AMZ1: variants seen among roughly 807,000 people sequenced by gnomAD.
The protein encoded by AMZ1 is archaemetzincin-1.
In AMZ1, 39 loss-of-function variants were observed where a neutral mutation model predicts 29.9. That is an observed-to-expected ratio of 1.30 (90% confidence interval 1.01 to 1.70). The LOEUF (loss-of-function observed/expected upper bound fraction) is 1.70. Among genes scored for constraint, AMZ1 ranks in the 40% most tolerant of loss-of-function variants. The probability of loss-of-function intolerance (pLI) is 0.00; values close to 1 mark genes in which losing one functional copy is unlikely to be tolerated. For missense variants in AMZ1, 1,041 were observed against 680.6 expected, an observed-to-expected ratio of 1.53 and a Z score of -5.89; for synonymous variants, 458 against 304.0, an observed-to-expected ratio of 1.51 and a Z score of -5.27.
intron 4 of AMZ1, among the ~76,000 whole-genome samples, chr7:2,758,492 C>T (rs1200601974): frequency 6.6e-6 from 1 of 152,156 alleles, no homozygotes; most frequent in Non-Finnish European, 1.5e-5. Context: ...AATTTCTTCC[C>T]CTGCAGCGTG....
intron 6 of AMZ1, among the ~76,000 whole-genome samples, 190 bp from the exon 7 acceptor site, chr7:2,712,140 A>C (rs988201536): frequency 3.3e-5 from 5 of 152,056 alleles, no homozygotes; most frequent in Non-Finnish European, 7.4e-5. Context: ...GGTACCTCTG[A>C]CTCTGGCACA....
intron 1 of AMZ1, among the ~76,000 whole-genome samples, chr7:2,694,955 G>C (rs1787618574): frequency 6.6e-6 from 1 of 152,208 alleles, no homozygotes; most frequent in South Asian, 2.1e-4. Flanking sequence ...TTCCAGGCGT[G>C]AGCCATCGCG....
At chr7:2,762,599 A>G, upstream of AMZ1, 5 of 1,514,026 alleles carry the variant, frequency 3.3e-6, no homozygotes, top group Non-Finnish European at 4.4e-6. Flanking sequence ...AACCCAAAAA[A>G]GGACAATCCC....
rs57754714 is a variant in AMZ1, at chr7:2,718,329, A to C, written c.*5451A>C. 1.8e-3 allele frequency among the ~76,000 whole-genome samples: 274 copies of C among 152,218 alleles called. 3 individuals carry two copies. Among genetic ancestry groups the C allele is most frequent in the African/African-American group, 6.2e-3 (257 of 41,526 alleles). ...CGCCACAGTGTGCCTGGTTTTCTGGATACAGCATGACTGAACCGCCCCTTC... is the reference window on the plus strand; with the variant it reads ...CGCCACAGTGTGCCTGGTTTTCTGGCTACAGCATGACTGAACCGCCCCTTC... On this transcript the variant is annotated 3_prime_UTR_variant, in exon 7 of 7. Coordinates refer to ENST00000683327, the MANE Select transcript of AMZ1 (RefSeq NM_001384743.1).
At position 2,716,992 on chromosome 7, in the gene AMZ1, G is replaced by A. The variant is rs934561059; in HGVS notation, c.*4114G>A. On this transcript the variant is annotated 3_prime_UTR_variant, in exon 7 of 7. Coordinates refer to ENST00000683327, the MANE Select transcript of AMZ1 (RefSeq NM_001384743.1). ...CAGCTTTCTAAAAGCAAGCTGGAGCGGTCTGAGCAGGAAGAGAGTAAGAAG... is the reference window on the plus strand; with the variant it reads ...CAGCTTTCTAAAAGCAAGCTGGAGCAGTCTGAGCAGGAAGAGAGTAAGAAG... Among the ~76,000 whole-genome samples, 3 of 152,150 alleles carry A rather than the reference G, an allele frequency of 2.0e-5. No individual in the cohort carries two copies. Among genetic ancestry groups the A allele is most frequent in the Non-Finnish European group, 2.9e-5 (2 of 68,020 alleles).
In AMZ1 at chr7:2,696,477, TCG is replaced by T. The variant is rs1416831346; in HGVS notation, c.-218-3756_-218-3755del. ...TTTCACCATGTTAGCCAGGATGGTC[TCG>T]ATCTCCTGACCTCGTGATCTGCCCG... is the stretch of plus-strand genomic sequence containing the variant. On this transcript the variant is annotated intron_variant, in intron 1 of 6. Coordinates refer to ENST00000683327, the MANE Select transcript of AMZ1 (RefSeq NM_001384743.1). Among the ~76,000 whole-genome samples the T allele has an allele frequency of 3.4e-4, 51 of 150,582 alleles. 3 individuals carry two copies. Among genetic ancestry groups the T allele is most frequent in the Admixed American group, 2.4e-3 (37 of 15,124 alleles).
intron 1 of AMZ1, among the ~76,000 whole-genome samples, chr7:2,693,155 G>A (rs920581920): frequency 9.2e-5 from 14 of 152,252 alleles, no homozygotes; most frequent in Non-Finnish European, 1.8e-4. Flanking sequence ...AGGCCGGAGT[G>A]CAGTGGCGCG....
At chr7:2,728,472 C>T (rs1034661867) in intron 4 of AMZ1, 1 of 152,298 alleles carries the variant, frequency 6.6e-6, no homozygotes, top group Admixed American at 6.5e-5. Context: ...GAAACAATTT[C>T]TCTACGAACA....
At chr7:2,696,101 C>G in intron 1 of AMZ1, among the ~76,000 whole-genome samples, 1 of 151,908 alleles carries the variant, frequency 6.6e-6, no homozygotes, top group East Asian at 1.9e-4. Context: ...CCCCCCACAA[C>G]CTCTGATTCT....
intron 3 of AMZ1, among the ~76,000 whole-genome samples, chr7:2,706,396 T>C (rs1260402610): frequency 6.6e-6 from 1 of 152,214 alleles, no homozygotes; most frequent in East Asian, 1.9e-4. Flanking sequence ...ATGCTTTGGA[T>C]CACTGTACTG....
At chr7:2,681,996 C>A (rs1786899274) in intron 1 of AMZ1, among the ~76,000 whole-genome samples, 1 of 152,170 alleles carries the variant, frequency 6.6e-6, no homozygotes, top group African/African-American at 2.4e-5. Flanking sequence ...GGCTAAGGGC[C>A]CCAGTTTATG....
rs1165724572 is a variant in AMZ1, at chr7:2,704,540, G to A, written c.472+1651G>A. Among the ~76,000 whole-genome samples the A allele has an allele frequency of 3.4e-5, 5 of 145,112 alleles. No individual in the cohort carries two copies. The Admixed American group carries it at 3.4e-4, about 10-fold the overall frequency. On this transcript the variant is annotated intron_variant, in intron 3 of 6. Coordinates refer to ENST00000683327, the MANE Select transcript of AMZ1 (RefSeq NM_001384743.1). ...TCCTAATTTCAGTTGTCATGTTTGT[G>A]AGTTCTACAGTTTCCAGTGGATTCT...
At chr7:2,738,657 T>A (rs1790336093) in intron 4 of AMZ1, among the ~76,000 whole-genome samples, 1 of 151,892 alleles carries the variant, frequency 6.6e-6, no homozygotes, top group African/African-American at 2.4e-5. Context: ...GAGACAGGAG[T>A]AGCCCTCTCT....
At chr7:2,705,808 C>G (rs915278882) in intron 3 of AMZ1, among the ~76,000 whole-genome samples, 83 of 152,354 alleles carry the variant, frequency 5.4e-4, no homozygotes, top group African/African-American at 1.9e-3. Flanking sequence ...GGTCTGGGGA[C>G]AATGTGGCCT....
At chr7:2,747,064 A>T (rs1360235329) in intron 4 of AMZ1, among the ~76,000 whole-genome samples, 2 of 152,218 alleles carry the variant, frequency 1.3e-5, no homozygotes, top group Non-Finnish European at 2.9e-5. Context: ...GAGCAGATGG[A>T]TTCAACAGCC....
chr7:2,760,970 C>T (rs542439171), upstream of AMZ1, among the ~76,000 whole-genome samples: 3 of 152,342 alleles, frequency 2.0e-5, no homozygotes, highest in African/African-American at 4.8e-5. Flanking sequence ...ACAGTCTTGA[C>T]GAAGTTGCTT....
intron 1 of AMZ1, among the ~76,000 whole-genome samples, chr7:2,681,582 T>C (rs74437411): frequency 0.012 from 1,899 of 152,180 alleles, 41 homozygotes; most frequent in African/African-American, 0.042. Context: ...ATTCTTGTTG[T>C]TGGGGTCCAA....
chr7:2,750,171 A>G (rs762288395), intron 4 of AMZ1, among the ~76,000 whole-genome samples: 2 of 152,206 alleles, frequency 1.3e-5, no homozygotes, highest in Non-Finnish European at 2.9e-5. Context: ...AGGGCCTGGA[A>G]GTCGTCACTC....
At chr7:2,725,782 T>C (rs1264706753) in intron 4 of AMZ1, among the ~76,000 whole-genome samples, 1 of 152,224 alleles carries the variant, frequency 6.6e-6, no homozygotes, top group Admixed American at 6.5e-5. Flanking sequence ...CTAACGCTTT[T>C]CTGTTCCAGG....
Sources: allele counts gnomAD v4.1 joint callset (sites outside exome capture counted in the v4.1 genomes callset), GRCh38; gene constraint gnomAD v4.1.1; transcripts MANE v1.5; gene names NCBI Gene and HGNC (gene_info 2026-07-23, HGNC 2026-07-21).